Variants in WDR5 observed in about 807,000 individuals in gnomAD.
The protein encoded by WDR5 is WD repeat-containing protein 5.
For synonymous variants in WDR5, 144 were observed against 161.6 expected, an observed-to-expected ratio of 0.89 and a Z score of 0.83; for missense variants, 187 against 416.9, an observed-to-expected ratio of 0.45 and a Z score of 4.80.
At chr9:134,150,041 C>A (rs762868778) in intron 8 of WDR5, among the ~76,000 whole-genome samples, 1 of 152,202 alleles carries the variant, frequency 6.6e-6, no homozygotes, top group Non-Finnish European at 1.5e-5. Flanking sequence ...TGAAGCTTAT[C>A]CCAACGATTC....
chr9:134,141,385 G>A, intron 3 of WDR5, 125 bp from the exon 4 acceptor site: 1 of 883,892 alleles, frequency 1.1e-6, no homozygotes, highest in Non-Finnish European at 1.8e-6. Context: ...TGCTGAATGG[G>A]TTCTGAGCCA....
chr9:134,141,421 C>T (rs1831881071), intron 3 of WDR5, 89 bp from the exon 4 acceptor site: 1 of 1,297,372 alleles, frequency 7.7e-7, no homozygotes, highest in Non-Finnish European at 1.1e-6. Context: ...TCACCTGGGA[C>T]TCATGTGGGA....
At position 134,146,058 on chromosome 9, in the gene WDR5, G is replaced by A. The variant is rs182533851; in HGVS notation, c.529-2230G>A. Among the ~76,000 whole-genome samples the A allele has an allele frequency of 3.1e-3, 471 of 151,388 alleles. 4 individuals are homozygous for A. The highest frequency in any genetic ancestry group is 0.01 in the African/African-American group (431 of 41,214). ...CAGCTCACTGCAAGCTCCACCTCCCGGGTTCACGCCATTCTCCTGCCTCAG... is the reference window on the plus strand; with the variant it reads ...CAGCTCACTGCAAGCTCCACCTCCCAGGTTCACGCCATTCTCCTGCCTCAG... On this transcript the variant is annotated intron_variant, in intron 7 of 13. Coordinates refer to ENST00000358625, the MANE Select transcript of WDR5 (RefSeq NM_017588.3).
chr9:134,156,478 C>G, intron 12 of WDR5, 28 bp from the exon 13 acceptor site: 1 of 1,609,348 alleles, frequency 6.2e-7, no homozygotes, highest in Non-Finnish European at 8.5e-7. Flanking sequence ...TTTTCCTTGC[C>G]CTGTTTTCCC....
chr9:134,139,687 A>G (rs552086386), intron 1 of WDR5, 133 bp from the exon 2 acceptor site: 7 of 621,636 alleles, frequency 1.1e-5, no homozygotes, highest in South Asian at 6.0e-5. Context: ...AGGGTCCTCA[A>G]TTTGGAATGG....
At chr9:134,148,807 T>C (rs1344776568) in intron 8 of WDR5, among the ~76,000 whole-genome samples, 1 of 152,104 alleles carries the variant, frequency 6.6e-6, no homozygotes, top group Non-Finnish European at 1.5e-5. Flanking sequence ...TGACAGGGTC[T>C]CCTGCAGAAA....
intron 8 of WDR5, 112 bp from the exon 9 acceptor site, chr9:134,151,870 TA>T (rs1277620770): frequency 3.7e-6 from 4 of 1,083,944 alleles, no homozygotes; most frequent in Non-Finnish European, 2.7e-6. Flanking sequence ...GCATAACTTT[TA>T]AAAAAAGATA....
chr9:134,141,625 G>C (rs762040979), intron 4 of WDR5, 42 bp downstream of exon 4: 18 of 1,603,110 alleles, frequency 1.1e-5, no homozygotes, highest in Non-Finnish European at 1.5e-5. Context: ...TGTTGAACAG[G>C]GTGGCTCTAG....
Position 134,155,380 on chromosome 9 carries a change from C to G in WDR5, c.741+7C>G. The G allele has an allele frequency of 6.2e-7, 1 of 1,606,138 alleles. No individual in the cohort carries two copies. Among genetic ancestry groups the G allele is most frequent in the Non-Finnish European group, 8.5e-7 (1 of 1,176,600 alleles). ...GGACTACAGCAAGGGGAAGGTGAGC[C>G]CCCGCAGGCTTGGGCCCCCATGGTG... On this transcript the variant is annotated splice_region_variant and intron_variant, in intron 11 of 13. Coordinates refer to ENST00000358625, the MANE Select transcript of WDR5 (RefSeq NM_017588.3).
At chr9:134,156,396 C>T in intron 12 of WDR5, 110 bp from the exon 13 acceptor site, 6 of 1,118,260 alleles carry the variant, frequency 5.4e-6, no homozygotes, top group Non-Finnish European at 8.0e-6. Context: ...GAGGCAGCCA[C>T]CAGCAGGGTG....
chr9:134,148,450 C>G (rs1012880670), intron 8 of WDR5, 107 bp downstream of exon 8: 1 of 1,009,232 alleles, frequency 9.9e-7, no homozygotes, highest in Admixed American at 2.2e-5. Context: ...GACCCAAGTC[C>G]TTAATTTCCG....
At chr9:134,155,651 G>A (rs748296274) in intron 11 of WDR5, 42 bp from the exon 12 acceptor site, 38 of 1,589,324 alleles carry the variant, frequency 2.4e-5, no homozygotes, top group Non-Finnish European at 3.0e-5. Context: ...AAAATCAAGG[G>A]GAACCATGAC....
intron 9 of WDR5, among the ~76,000 whole-genome samples, chr9:134,154,164 CCT>C (rs1307146438): frequency 6.6e-6 from 1 of 152,206 alleles, no homozygotes; most frequent in African/African-American, 2.4e-5. Context: ...TTATCCATCC[CCT>C]GTGAGGCAGG....
At position 134,154,217 on chromosome 9, in the gene WDR5, CTGTATT is replaced by C. The variant is rs537144097; in HGVS notation, c.632-248_632-243del. On this transcript the variant is annotated intron_variant, in intron 9 of 13. Coordinates refer to ENST00000358625, the MANE Select transcript of WDR5 (RefSeq NM_017588.3). ...CCCATGGCCTGGTGCCCCAGGAGGC[CTGTATT>C]CGTAAAGTCCTGGTGTCAAGGGGCC... Among the ~76,000 whole-genome samples the C allele has an allele frequency of 1.7e-3, 256 of 152,256 alleles. 1 individual carries two copies. The highest frequency in any genetic ancestry group is 5.7e-3 in the African/African-American group (235 of 41,552).
chr9:134,145,132 T>C (rs1340391560), intron 7 of WDR5, among the ~76,000 whole-genome samples: 1 of 119,672 alleles, frequency 8.4e-6, no homozygotes, highest in Admixed American at 1.0e-4. Context: ...AGAATCTCAC[T>C]CTGTTGCCCA....
intron 4 of WDR5, 31 bp from the exon 5 acceptor site, chr9:134,141,918 C>G (rs374679294): frequency 1.2e-4 from 192 of 1,604,188 alleles, no homozygotes; most frequent in Non-Finnish European, 1.6e-4. Context: ...TTTGTCCTGT[C>G]AAGTTACTGA....
chr9:134,154,629 G>T, intron 10 of WDR5, 88 bp downstream of exon 10: 1 of 1,464,138 alleles, frequency 6.8e-7, no homozygotes. Context: ...TGGAGAGCGT[G>T]TTGTGGGCTT....
intron 7 of WDR5, among the ~76,000 whole-genome samples, chr9:134,144,127 C>T (rs28413814): frequency 1.3e-5 from 2 of 152,200 alleles, no homozygotes; most frequent in African/African-American, 4.8e-5. Flanking sequence ...TGATACTGCC[C>T]GGACGGACAG....
At chr9:134,145,775 C>T (rs866832309) in intron 7 of WDR5, among the ~76,000 whole-genome samples, 5 of 152,144 alleles carry the variant, frequency 3.3e-5, no homozygotes, top group Non-Finnish European at 5.9e-5. Context: ...ACAGCCCTCG[C>T]GCCCTCCTTG....
Sources: gnomAD v4.1 joint callset for allele counts (sites outside exome capture counted in the v4.1 genomes callset) on GRCh38, gnomAD v4.1.1 for gene constraint, MANE v1.5 for transcripts, NCBI Gene and HGNC (gene_info 2026-07-23, HGNC 2026-07-21) for gene names.